The following THADA variants were observed in gnomAD, a reference collection of about 807,000 sequenced individuals.
THADA encodes the protein THADA armadillo repeat containing.
A neutral mutation model predicts 219.8 loss-of-function variants in THADA; 213 were observed. The ratio of observed to expected loss-of-function variants is 0.97; its 90% CI spans 0.87 to 1.09. The LOEUF (loss-of-function observed/expected upper bound fraction) is 1.09, where lower values mean the gene tolerates loss of function less well. Among genes scored for constraint, THADA ranks in the 50% least tolerant of loss-of-function variants. The pLI, the probability that THADA is intolerant of heterozygous loss-of-function variation, is 0.00. For synonymous variants in THADA, 1,018 were observed against 828.9 expected (o/e 1.23, Z -3.92); for missense variants, 2,956 against 2,311.3 (o/e 1.28, Z -5.72).
intron 26 of THADA, among the ~76,000 whole-genome samples, chr2:43,461,085 G>A (rs1573763903): frequency 6.6e-6 from 1 of 152,190 alleles, no homozygotes; most frequent in Non-Finnish European, 1.5e-5. Context: ...AAGTAGGCTG[G>A]ACTGTGGAAG....
At chr2:43,528,817 A>G (rs1414726212) in intron 21 of THADA, among the ~76,000 whole-genome samples, 1 of 152,132 alleles carries the variant, frequency 6.6e-6, no homozygotes, top group Non-Finnish European at 1.5e-5. Context: ...ATTGTGGTAA[A>G]ATATACATAA....
At chr2:43,479,344 A>AT (rs1385837199) in intron 26 of THADA, among the ~76,000 whole-genome samples, 1 of 152,164 alleles carries the variant, frequency 6.6e-6, no homozygotes, top group Admixed American at 6.5e-5. Context: ...ACCTTACACA[A>AT]ATTGCTTAAC....
intron 36 of THADA, among the ~76,000 whole-genome samples, chr2:43,257,394 A>G (rs1392701615): frequency 1.3e-5 from 2 of 152,350 alleles, no homozygotes; most frequent in African/African-American, 4.8e-5. Flanking sequence ...GAGTCAGGCA[A>G]TCAATCATAA....
intron 19 of THADA, 94 bp from the exon 20 acceptor site, chr2:43,549,462 A>C (rs1275130543): frequency 1.6e-6 from 2 of 1,243,326 alleles, no homozygotes; most frequent in Non-Finnish European, 2.2e-6. Context: ...TATAATTTTC[A>C]ATACTTAATA....
chr2:43,332,572 C>A (rs1056743649), intron 30 of THADA, among the ~76,000 whole-genome samples: 1 of 152,122 alleles, frequency 6.6e-6, no homozygotes, highest in Non-Finnish European at 1.5e-5. Flanking sequence ...ATGAAGGTAA[C>A]AAAGGTGTTA....
intron 22 of THADA, among the ~76,000 whole-genome samples, chr2:43,520,745 T>C (rs76042158): frequency 0.071 from 10,337 of 146,538 alleles, 784 homozygotes; most frequent in African/African-American, 0.2. Context: ...CACACACACA[T>C]ATATATCAAC....
Position 43,581,903 on chromosome 2 carries a change from G to C in THADA, c.559C>G (p.Gln187Glu). ...NRKCAGNHII[Q>E]TQLMNDLLVG... ...AGTAAGTCATTCATCAACTGTGTTT[G>C]AATAATATGATTTCCAGCACATTTT... Residue 187 changes from glutamine to glutamate, a missense_variant, in exon 8 of 38, where the codon CAA becomes GAA. Transcript: ENST00000405975. 4 of 1,550,438 alleles carry C rather than the reference G, an allele frequency of 2.6e-6. No individual in the cohort carries two copies. Among genetic ancestry groups the C allele is most frequent in the South Asian group, 1.3e-5 (1 of 79,312 alleles).
intron 17 of THADA, among the ~76,000 whole-genome samples, chr2:43,554,551 C>T (rs957316662): frequency 6.6e-6 from 1 of 151,974 alleles, no homozygotes; most frequent in African/African-American, 2.4e-5. Context: ...GGCTTGTAAA[C>T]ATGGGAAAAA....
At chr2:43,328,327 C>T (rs1679563926) in intron 30 of THADA, among the ~76,000 whole-genome samples, 1 of 152,186 alleles carries the variant, frequency 6.6e-6, no homozygotes. Flanking sequence ...CAGGACTGCT[C>T]GTTTACCTTG....
chr2:43,305,546 C>T (rs1183565376), intron 31 of THADA, among the ~76,000 whole-genome samples: 1 of 152,158 alleles, frequency 6.6e-6, no homozygotes, highest in East Asian at 1.9e-4. Context: ...CTCTCAAAGG[C>T]ATGTATTTTT....
Position 43,563,465 on chromosome 2 carries a change from A to G in THADA, c.2312-3080T>C, listed in dbSNP as rs1339768781. ...TCTACATCTTGTACATAAATAATCTACATAATCTTGTATCTACATAATGTA... is the reference window on the plus strand; with the variant it reads ...TCTACATCTTGTACATAAATAATCTGCATAATCTTGTATCTACATAATGTA... On this transcript the variant is annotated intron_variant, in intron 15 of 37. Transcript: ENST00000405975. The G allele has an allele frequency of 3.9e-5, 6 of 152,278 alleles. 1 individual carries two copies. Among genetic ancestry groups the G allele is most frequent in the African/African-American group, 1.4e-4 (6 of 41,554 alleles). 9.4% of individuals were successfully genotyped at this position (152,278 alleles called of 1,614,324 possible). A position where few individuals can be genotyped will look rare whatever the true frequency, so the allele number is the denominator to read the frequency against.
At chr2:43,302,013 A>C (rs1285576327) in intron 31 of THADA, among the ~76,000 whole-genome samples, 1 of 151,882 alleles carries the variant, frequency 6.6e-6, no homozygotes, top group African/African-American at 2.4e-5. Flanking sequence ...CTTCTTTAGC[A>C]GACTGTAATT....
chr2:43,302,791 C>T (rs911455303), intron 31 of THADA, among the ~76,000 whole-genome samples: 1 of 152,012 alleles, frequency 6.6e-6, no homozygotes, highest in Non-Finnish European at 1.5e-5. Context: ...GTGGCGTGCA[C>T]CTGTAGTTCC....
chr2:43,281,440 C>CTTTT (rs35111198), intron 35 of THADA, among the ~76,000 whole-genome samples: 2 of 106,840 alleles, frequency 1.9e-5, no homozygotes, highest in Non-Finnish European at 3.9e-5. Flanking sequence ...TCATGTACTT[C>CTTTT]TTTTTTTTTT....
rs529841936 is a variant in THADA at position 43,575,330 on chromosome 2, G to T, written c.1038-303C>A. On this transcript the variant is annotated intron_variant, in intron 10 of 37. Coordinates refer to ENST00000405975, the MANE Select transcript of THADA (RefSeq NM_022065.5). Reference sequence around the variant, plus strand: ...CTGGGTGTGGTGACACACACCTACAGTCCCAGCTACTTGGGAAGCTGAGGT... The same window carrying T: ...CTGGGTGTGGTGACACACACCTACATTCCCAGCTACTTGGGAAGCTGAGGT... Among the ~76,000 whole-genome samples the T allele has an allele frequency of 3.3e-5, 5 of 152,260 alleles. No homozygotes were observed. The South Asian group carries it at 1.0e-3, about 32-fold the overall frequency.
At position 43,457,202 on chromosome 2, in the gene THADA, G is replaced by A. The variant is rs1255765696; in HGVS notation, c.3837-26900C>T. The stretch of plus-strand genomic sequence containing the variant: ...CACACACATGCACAGTGAGTGAGGT[G>A]ATTAAAGGAGATGAAAATGGCGGTA... On this transcript the variant is annotated intron_variant, in intron 26 of 37. Transcript: ENST00000405975. 5.4e-5 allele frequency among the ~76,000 whole-genome samples: 8 copies of A among 149,334 alleles called. 1 individual carries two copies. In the South Asian group the frequency reaches 1.1e-3, roughly 20 times the overall value.
chr2:43,593,380 G>A (rs1559042520), intron 1 of THADA, among the ~76,000 whole-genome samples: 2 of 152,146 alleles, frequency 1.3e-5, no homozygotes, highest in East Asian at 1.9e-4. Flanking sequence ...CCATATCAGA[G>A]TGCATGATTT....
chr2:43,530,385 T>C (rs76000447), intron 21 of THADA, among the ~76,000 whole-genome samples: 3,336 of 152,242 alleles, frequency 0.022, 134 homozygotes, highest in African/African-American at 0.076. Flanking sequence ...ACCCCTAAAA[T>C]AGGGCTGAAG....
intron 26 of THADA, among the ~76,000 whole-genome samples, chr2:43,459,174 C>A (rs1242756813): frequency 6.6e-6 from 1 of 152,156 alleles, no homozygotes; most frequent in Non-Finnish European, 1.5e-5. Context: ...CTGACAAGGT[C>A]CCCAGCTCAC....
Sources: gnomAD v4.1 joint callset for allele counts (sites outside exome capture counted in the v4.1 genomes callset) on GRCh38, gnomAD v4.1.1 for gene constraint, MANE v1.5 for transcripts, NCBI Gene and HGNC (gene_info 2026-07-23, HGNC 2026-07-21) for gene names.